The following RTL4 variants were observed in gnomAD, a reference collection of about 807,000 sequenced individuals.
RTL4 encodes retrotransposon Gag like 4.
Under a neutral mutation model 5.3 loss-of-function variants are expected in RTL4, and 4 were observed. The observed-to-expected ratio is 0.75, with a 90% CI of 0.37 to 1.72. RTL4 has a LOEUF of 1.72. RTL4 is among the 40% of genes most tolerant of loss of function. The probability of loss-of-function intolerance (pLI) is 0.04; values close to 1 mark genes in which losing one functional copy is unlikely to be tolerated. For missense variants in RTL4, 260 were observed against 227.1 expected (o/e 1.14, Z -0.93); for synonymous variants, 98 against 87.3 (o/e 1.12, Z -0.68).
chrX:112,341,212 A>G, the RTL4 span, among the ~76,000 whole-genome samples: 4,807 of 110,833 alleles, frequency 0.043, 267 homozygotes, highest in African/African-American at 0.15. Context: ...TGTGGCTAAC[A>G]AAGTTAGCGG....
the RTL4 span, among the ~76,000 whole-genome samples, chrX:112,419,595 T>TTACATATTTATATGTATATATATATATA: frequency 3.6e-5 from 1 of 28,158 alleles, no homozygotes; most frequent in Non-Finnish European, 9.7e-5. Context: ...ATATATATAT[T>TTACATATTTATATGTATATATATATATA]TTTACATATG....
At chrX:112,367,858 C>T in the RTL4 span, among the ~76,000 whole-genome samples, 1 of 111,659 alleles carries the variant, frequency 9.0e-6, no homozygotes, top group Non-Finnish European at 1.9e-5. Context: ...GATATGATGT[C>T]TAAGTTAATA....
chrX:112,300,120 A>G, the RTL4 span, among the ~76,000 whole-genome samples: 1 of 111,282 alleles, frequency 9.0e-6, no homozygotes, highest in African/African-American at 3.3e-5. Flanking sequence ...CCATCCCTCT[A>G]TCTATCCATC....
At chrX:112,422,869 A>G in the RTL4 span, among the ~76,000 whole-genome samples, 1 of 110,820 alleles carries the variant, frequency 9.0e-6, no homozygotes, top group Non-Finnish European at 1.9e-5. Flanking sequence ...TTCCTCCCTG[A>G]GCCTCAGCTT....
the RTL4 span, among the ~76,000 whole-genome samples, chrX:112,194,967 C>T: frequency 4.5e-5 from 5 of 111,815 alleles, no homozygotes; most frequent in South Asian, 1.5e-3. Flanking sequence ...ATAAAGCATG[C>T]CAAACACTGT....
upstream of RTL4, among the ~76,000 whole-genome samples, chrX:112,450,150 G>T (rs1228825402): frequency 8.9e-6 from 1 of 112,083 alleles, no homozygotes; most frequent in Non-Finnish European, 1.9e-5. Flanking sequence ...AAGTCAAAAA[G>T]CTCTCTTATA....
At chrX:112,257,722 C>G in the RTL4 span, among the ~76,000 whole-genome samples, 1 of 109,612 alleles carries the variant, frequency 9.1e-6, no homozygotes, top group African/African-American at 3.3e-5. Context: ...CCTCTTAATA[C>G]CACCACAATC....
chrX:112,118,474 A>G, the RTL4 span, among the ~76,000 whole-genome samples: 1 of 112,276 alleles, frequency 8.9e-6, no homozygotes, highest in East Asian at 2.8e-4. Flanking sequence ...TTAGGAATCC[A>G]AAAGAGAGTA....
At chrX:112,100,976 C>T in the RTL4 span, among the ~76,000 whole-genome samples, 1 of 111,576 alleles carries the variant, frequency 9.0e-6, no homozygotes, top group Non-Finnish European at 1.9e-5. Context: ...TTTTGACAGA[C>T]CAAATAGACA....
chrX:112,238,634 GA>G, the RTL4 span, among the ~76,000 whole-genome samples: 1 of 111,563 alleles, frequency 9.0e-6, no homozygotes, highest in Non-Finnish European at 1.9e-5. Flanking sequence ...AGGAAAAGAA[GA>G]AAGCAGACTG....
the RTL4 span, among the ~76,000 whole-genome samples, chrX:112,149,592 G>A: frequency 8.9e-6 from 1 of 111,967 alleles, no homozygotes; most frequent in African/African-American, 3.3e-5. Flanking sequence ...GGCAGAAGTT[G>A]AGTAAACAAC....
chrX:112,401,505 T>A, the RTL4 span, among the ~76,000 whole-genome samples: 1 of 112,032 alleles, frequency 8.9e-6, no homozygotes, highest in African/African-American at 3.2e-5. Context: ...TGGATTCTAG[T>A]CCATGCTGTG....
At chrX:112,259,848 C>T in the RTL4 span, among the ~76,000 whole-genome samples, 1 of 111,914 alleles carries the variant, frequency 8.9e-6, no homozygotes, top group African/African-American at 3.2e-5. Context: ...ATATTTTCTT[C>T]ATACCCACTC....
At chrX:112,277,435 G>C in the RTL4 span, among the ~76,000 whole-genome samples, 3 of 111,918 alleles carry the variant, frequency 2.7e-5, no homozygotes, top group African/African-American at 9.7e-5. Flanking sequence ...AAAGGATAGA[G>C]AGAACTGGAG....
chrX:112,339,820 C>A, the RTL4 span, among the ~76,000 whole-genome samples: 1 of 112,561 alleles, frequency 8.9e-6, no homozygotes, highest in African/African-American at 3.2e-5. Context: ...TTAGTAATAT[C>A]CCTGGTAGTG....
At chrX:112,205,886 T>TATA in the RTL4 span, among the ~76,000 whole-genome samples, 2 of 112,210 alleles carry the variant, frequency 1.8e-5, no homozygotes, top group Non-Finnish European at 3.8e-5. Flanking sequence ...GATAATTATA[T>TATA]GCTGCAATAT....
At chrX:112,299,035 T>C in the RTL4 span, among the ~76,000 whole-genome samples, 1 of 112,299 alleles carries the variant, frequency 8.9e-6, no homozygotes, top group Non-Finnish European at 1.9e-5. Context: ...CAATCATAGG[T>C]CATTCAAGAC....
At chrX:112,140,081 T>C in the RTL4 span, among the ~76,000 whole-genome samples, 88 of 112,342 alleles carry the variant, frequency 7.8e-4, no homozygotes, top group African/African-American at 2.7e-3. Flanking sequence ...ACAGCTATAA[T>C]CCAATAATAT....
the RTL4 span, among the ~76,000 whole-genome samples, chrX:112,209,514 G>T: frequency 9.0e-6 from 1 of 111,696 alleles, no homozygotes; most frequent in African/African-American, 3.2e-5. Flanking sequence ...CTGTGAACCA[G>T]GCCCTAGTCT....
Sources: allele counts gnomAD v4.1 joint callset (sites outside exome capture counted in the v4.1 genomes callset), GRCh38; gene constraint gnomAD v4.1.1; transcripts MANE v1.5; gene names NCBI Gene and HGNC (gene_info 2026-07-23, HGNC 2026-07-21).